Variants in SEL1L3 observed in about 807,000 individuals in gnomAD.
The protein encoded by SEL1L3 is protein sel-1 homolog 3.
A neutral mutation model predicts 142.8 loss-of-function variants in SEL1L3; 76 were observed. The ratio of observed to expected loss-of-function variants is 0.53; its 90% CI spans 0.44 to 0.64. The LOEUF (loss-of-function observed/expected upper bound fraction) is 0.64, where lower values mean the gene tolerates loss of function less well. SEL1L3 is among the 30% of genes least tolerant of loss of function. The probability of loss-of-function intolerance (pLI) is 0.00; values close to 1 mark genes in which losing one functional copy is unlikely to be tolerated. For synonymous variants in SEL1L3, 504 were observed against 519.6 expected (o/e 0.97, Z 0.41); for missense variants, 1,262 against 1,381.7 (o/e 0.91, Z 1.37).
At chr4:25,747,221 C>A (rs908863795), downstream of SEL1L3, among the ~76,000 whole-genome samples, 1 of 152,130 alleles carries the variant, frequency 6.6e-6, no homozygotes, top group Non-Finnish European at 1.5e-5. Context: ...TGATACTGTG[C>A]GAACATTCTA....
intron 11 of SEL1L3, among the ~76,000 whole-genome samples, chr4:25,800,355 T>C (rs980930801): frequency 6.6e-6 from 1 of 152,262 alleles, no homozygotes; most frequent in African/African-American, 2.4e-5. Flanking sequence ...CTCTTCTAAC[T>C]GTATAATTCC....
chr4:25,761,331 T>C (rs1718363165), intron 20 of SEL1L3, among the ~76,000 whole-genome samples: 1 of 152,192 alleles, frequency 6.6e-6, no homozygotes, highest in Non-Finnish European at 1.5e-5. Context: ...AATTTTTGTA[T>C]TTTCAGTAGA....
intron 10 of SEL1L3, among the ~76,000 whole-genome samples, chr4:25,804,085 G>C (rs1214447588): frequency 1.3e-5 from 2 of 152,170 alleles, no homozygotes; most frequent in African/African-American, 4.8e-5. Context: ...TAATAAATTT[G>C]GATTCAAAAC....
Position 25,804,524 on chromosome 4 carries a change from G to T in SEL1L3, c.1776+17C>A. On this transcript the variant is annotated intron_variant, in intron 10 of 23. Coordinates refer to ENST00000399878, the MANE Select transcript of SEL1L3 (RefSeq NM_015187.5). ...AATGCAAGTGACTGATGTTAATGGAGCAATGAAATACTCTACCTGCAGCTG... is the reference window on the plus strand; with the variant it reads ...AATGCAAGTGACTGATGTTAATGGATCAATGAAATACTCTACCTGCAGCTG... The T allele has an allele frequency of 1.3e-6, 2 of 1,558,228 alleles. No individual in the cohort carries two copies. Among genetic ancestry groups the T allele is most frequent in the East Asian group, 2.3e-5 (1 of 44,300 alleles).
intron 7 of SEL1L3, among the ~76,000 whole-genome samples, chr4:25,821,528 C>T (rs562996108): frequency 6.6e-6 from 1 of 152,336 alleles, no homozygotes; most frequent in African/African-American, 2.4e-5. Flanking sequence ...ATGCCCTTTT[C>T]GATCCATACA....
intron 9 of SEL1L3, among the ~76,000 whole-genome samples, chr4:25,816,301 G>A (rs1714388848): frequency 6.6e-6 from 1 of 151,908 alleles, no homozygotes; most frequent in Non-Finnish European, 1.5e-5. Context: ...TGCAGATGAG[G>A]AAACTAAGGC....
At chr4:25,724,857 G>A in the SEL1L3 span, among the ~76,000 whole-genome samples, 1 of 151,458 alleles carries the variant, frequency 6.6e-6, no homozygotes, top group Non-Finnish European at 1.5e-5. Flanking sequence ...CTCCCTTGCA[G>A]CCCTCAGGGC....
At chr4:25,731,885 C>T in the SEL1L3 span, among the ~76,000 whole-genome samples, 3 of 151,982 alleles carry the variant, frequency 2.0e-5, no homozygotes, top group African/African-American at 7.2e-5. Flanking sequence ...CCAGCCTGCC[C>T]AACATGACGA....
At chr4:25,752,087 C>G (rs187468108) in intron 23 of SEL1L3, among the ~76,000 whole-genome samples, 1 of 127,356 alleles carries the variant, frequency 7.9e-6, no homozygotes, top group Non-Finnish European at 1.6e-5. Context: ...CCAGCTTGGG[C>G]GACAGAGTAA....
At chr4:25,721,453 T>G in the SEL1L3 span, among the ~76,000 whole-genome samples, 1 of 152,026 alleles carries the variant, frequency 6.6e-6, no homozygotes, top group Non-Finnish European at 1.5e-5. Context: ...TGCAGGCTTC[T>G]CGGTAGAAAG....
the SEL1L3 span, among the ~76,000 whole-genome samples, chr4:25,727,085 CT>C: frequency 1.1e-4 from 7 of 61,698 alleles, no homozygotes; most frequent in Admixed American, 7.0e-4. Context: ...CGGAGTCTCG[CT>C]CTGTCACCCA....
intron 23 of SEL1L3, 53 bp downstream of exon 23, chr4:25,757,481 T>G: frequency 5.2e-6 from 4 of 775,936 alleles, no homozygotes; most frequent in Non-Finnish European, 7.2e-6. Flanking sequence ...AAAAAAAAAA[T>G]CCCTGCTTTT....
At chr4:25,785,137 C>T (rs1711696904) in intron 13 of SEL1L3, among the ~76,000 whole-genome samples, 1 of 152,210 alleles carries the variant, frequency 6.6e-6, no homozygotes, top group African/African-American at 2.4e-5. Flanking sequence ...CTCCTGGACT[C>T]AGACAACAGT....
chr4:25,834,860 C>T (rs1029338672), intron 3 of SEL1L3, among the ~76,000 whole-genome samples: 5 of 152,164 alleles, frequency 3.3e-5, no homozygotes, highest in East Asian at 1.9e-4. Context: ...CAATCTTCCA[C>T]GACAGAAAGG....
chr4:25,719,869 T>C, the SEL1L3 span: 1 of 152,118 alleles, frequency 6.6e-6, no homozygotes, highest in Non-Finnish European at 1.5e-5. Context: ...TTATGGATGC[T>C]AGAGCGAAAT....
At chr4:25,819,665 G>T in intron 8 of SEL1L3, 143 bp downstream of exon 8, 2 of 661,938 alleles carry the variant, frequency 3.0e-6, no homozygotes, top group Non-Finnish European at 4.8e-6. Flanking sequence ...TCCACCAGTG[G>T]AGGGCTCAAG....
At chr4:25,722,624 C>CCTTTTTTTTTTTTTT in the SEL1L3 span, among the ~76,000 whole-genome samples, 1 of 103,656 alleles carries the variant, frequency 9.6e-6, no homozygotes, top group African/African-American at 3.6e-5. Context: ...CCAAAGGAGG[C>CCTTTTTTTTTTTTTT]TTTTTTTTTT....
At chr4:25,860,428 T>C (rs1328605936) in intron 1 of SEL1L3, among the ~76,000 whole-genome samples, 6 of 152,182 alleles carry the variant, frequency 3.9e-5, no homozygotes, top group Admixed American at 1.3e-4. Flanking sequence ...TTTCTCTCTA[T>C]TGTTTTATGT....
intron 6 of SEL1L3, among the ~76,000 whole-genome samples, chr4:25,828,334 G>T (rs1715222691): frequency 6.7e-6 from 1 of 150,304 alleles, no homozygotes; most frequent in Admixed American, 6.6e-5. Flanking sequence ...TGCAGATTCT[G>T]ATTTAGAAGC....
Sources: allele counts gnomAD v4.1 joint callset (sites outside exome capture counted in the v4.1 genomes callset), GRCh38; gene constraint gnomAD v4.1.1; transcripts MANE v1.5; gene names NCBI Gene and HGNC (gene_info 2026-07-23, HGNC 2026-07-21).